Variants in COBLL1 observed in about 807,000 individuals in gnomAD.
The protein encoded by COBLL1 is cordon-bleu protein-like 1.
Under a neutral mutation model 94.8 loss-of-function variants are expected in COBLL1, and 50 were observed. The observed-to-expected ratio is 0.53, with a 90% CI of 0.42 to 0.67. The LOEUF (loss-of-function observed/expected upper bound fraction) is 0.67, where lower values mean the gene tolerates loss of function less well. Ranked by LOEUF, COBLL1 falls within the 30% of genes least tolerant of loss-of-function variation. The pLI is 0.00. For missense variants in COBLL1, 1,362 were observed against 1,348.7 expected (o/e 1.01, Z -0.15); for synonymous variants, 448 against 473.8 (o/e 0.95, Z 0.71).
rs996859833 is a variant in COBLL1, at chr2:164,841,710, G to A, written c.-51C>T. The A allele has an allele frequency of 2.1e-6, 1 of 480,584 alleles. No individual in the cohort carries two copies. Among genetic ancestry groups the A allele is most frequent in the South Asian group, 3.2e-5 (1 of 30,822 alleles). 29.8% of individuals were successfully genotyped at this position (480,584 alleles called of 1,614,324 possible). A position where few individuals can be genotyped will look rare whatever the true frequency, so the allele number is the denominator to read the frequency against. The stretch of plus-strand genomic sequence containing the variant: ...CTCTTTTCCCACCCAAGGCTCCTAC[G>A]TTCTTTTCCAAAGGAGACAGTAGCT... On this transcript the variant is annotated splice_region_variant and 5_prime_UTR_variant, in exon 1 of 14. Coordinates refer to ENST00000652658, the MANE Select transcript of COBLL1 (RefSeq NM_001365672.2). This position sits in a 1 kb window ranked among gnomAD's most constrained non-coding sequence, Gnocchi z 5.5.
At chr2:164,660,390 G>A (rs1691052118) in intron 2 of COBLL1, among the ~76,000 whole-genome samples, 1 of 152,128 alleles carries the variant, frequency 6.6e-6, no homozygotes, top group Non-Finnish European at 1.5e-5. Flanking sequence ...TATACTTGGG[G>A]ATTGGGAGAA....
chr2:164,738,341 T>C (rs1328576164), intron 3 of COBLL1: 1 of 152,188 alleles, frequency 6.6e-6, no homozygotes, highest in Non-Finnish European at 1.5e-5. Flanking sequence ...CAATGAGGAA[T>C]AATTACCTAT....
intron 2 of COBLL1, among the ~76,000 whole-genome samples, chr2:164,760,728 A>G (rs1687640738): frequency 6.6e-6 from 1 of 152,168 alleles, no homozygotes; most frequent in Non-Finnish European, 1.5e-5. Context: ...TCTTTCAAAG[A>G]AAACTAGTAA....
In COBLL1 at chr2:164,692,346, C is replaced by G. The variant is rs756967879; in HGVS notation, c.3175G>C (p.Asp1059His). The change falls in exon 13 of 14, where the codon GAT (aspartate) becomes CAT (histidine). Residue 1059 changes from aspartate (D) to histidine (H), a missense_variant. By Grantham distance (81) the Asp-to-His change is moderately conservative. Coordinates refer to ENST00000652658, the MANE Select transcript of COBLL1 (RefSeq NM_001365672.2). Reference protein sequence around the residue: ...EQNSQIPTPTDGPSFTVMRQS... With the variant: ...EQNSQIPTPTHGPSFTVMRQS... ...CTCATAACAGTGAATGATGGGCCAT[C>G]AGTTGGAGTTGGTATTTGGGAATTC... 4.3e-6 allele frequency: 7 copies of G among 1,613,134 alleles called. No homozygotes were observed. In the African/African-American group the frequency reaches 9.4e-5, roughly 22 times the overall value.
chr2:164,777,287 G>T (rs1188907900), intron 2 of COBLL1, among the ~76,000 whole-genome samples: 1 of 151,128 alleles, frequency 6.6e-6, no homozygotes, highest in Non-Finnish European at 1.5e-5. Context: ...CAATGTAAAA[G>T]AAATAATATG....
At chr2:164,833,702 G>A (rs1052916708) in intron 2 of COBLL1, among the ~76,000 whole-genome samples, 3 of 151,926 alleles carry the variant, frequency 2.0e-5, no homozygotes, top group African/African-American at 7.3e-5. Flanking sequence ...CAACCACCTC[G>A]GCCTCCCAAA....
chr2:164,841,942 C>A (rs1016166446), upstream of COBLL1: 2 of 1,531,168 alleles, frequency 1.3e-6, no homozygotes, highest in African/African-American at 2.8e-5. The surrounding 1 kb of genome is among the most constrained non-coding windows in gnomAD (Gnocchi z 5.5). Flanking sequence ...CGCTGGAGCC[C>A]GCTCTCTCAC....
At chr2:164,792,147 G>C (rs139521420) in intron 2 of COBLL1, among the ~76,000 whole-genome samples, 104 of 150,716 alleles carry the variant, frequency 6.9e-4, no homozygotes, top group African/African-American at 2.5e-3. Context: ...TTATCATTTT[G>C]AGACAGAGTC....
chr2:164,664,261 T>C (rs908990669), intron 2 of COBLL1, among the ~76,000 whole-genome samples: 1 of 152,216 alleles, frequency 6.6e-6, no homozygotes, highest in Non-Finnish European at 1.5e-5. Flanking sequence ...ATGTCATCTA[T>C]GAAAACAAGG....
intron 2 of COBLL1, among the ~76,000 whole-genome samples, chr2:164,748,970 C>T (rs1158301167): frequency 6.6e-6 from 1 of 151,878 alleles, no homozygotes; most frequent in Non-Finnish European, 1.5e-5. Flanking sequence ...ATTTTAACAC[C>T]GAATTCAATT....
intron 2 of COBLL1, among the ~76,000 whole-genome samples, chr2:164,761,960 A>G (rs1374078822): frequency 6.6e-6 from 1 of 152,188 alleles, no homozygotes. Flanking sequence ...CTGCCATCTC[A>G]TAAGAGAAGT....
chr2:164,692,378 T>G lies in COBLL1; in HGVS notation c.3143A>C (p.Asn1048Thr). The G allele has an allele frequency of 6.2e-7, 1 of 1,610,110 alleles. No individual in the cohort carries two copies. The highest frequency in any genetic ancestry group is 8.5e-7 in the Non-Finnish European group (1 of 1,178,536). The change falls in exon 13 of 14, where the codon AAT (asparagine) becomes ACT (threonine). Residue 1048 changes from asparagine to threonine, a missense_variant. Physicochemically the swap from Asn to Thr is moderately conservative, Grantham distance 65 (BLOSUM62 0). Coordinates refer to ENST00000652658, the MANE Select transcript of COBLL1 (RefSeq NM_001365672.2). ...VSDKENNSAH[N>T]EQNSQIPTPT... ...AGTTGGTATTTGGGAATTCTGTTCA[T>G]TATGTGCAGAGTTATTTTCCTACAA... is the stretch of plus-strand genomic sequence containing the variant.
chr2:164,756,091 G>GAA (rs3835926), intron 2 of COBLL1, among the ~76,000 whole-genome samples: 1 of 79,156 alleles, frequency 1.3e-5, no homozygotes, highest in Non-Finnish European at 2.5e-5. Context: ...GGGAGGGAGG[G>GAA]AGAGAGAGAG....
chr2:164,764,606 A>G (rs1002814651), intron 2 of COBLL1, among the ~76,000 whole-genome samples: 2 of 152,136 alleles, frequency 1.3e-5, no homozygotes, highest in African/African-American at 4.8e-5. Context: ...GACTGAGTCC[A>G]GGTGTGGGCC....
rs1574687845 is a variant in COBLL1, at chr2:164,841,315, G to A, written c.-50-69C>T. On this transcript the variant is annotated intron_variant, in intron 1 of 13. Transcript: ENST00000652658. This position sits in a 1 kb window ranked among gnomAD's most constrained non-coding sequence, Gnocchi z 5.5. ...TCCCGAGGCCGGAGCGAAGCTGGCT[G>A]AGCGTCAAGAGCCCGCCCGAGCCGC... 4 of 1,210,880 alleles carry A rather than the reference G, an allele frequency of 3.3e-6. No individual in the cohort carries two copies. The highest frequency in any genetic ancestry group is 4.1e-6 in the Non-Finnish European group (4 of 974,516). 75.0% of individuals were successfully genotyped at this position (1,210,880 alleles called of 1,614,324 possible).
In COBLL1 at chr2:164,668,292, C is replaced by T. The variant is rs1020669858; in HGVS notation, n.127-2391G>A. ...CTCGGCTTTTGACATGCCTTCCTCACTAAACTTGATCATTCCTAGCTTTTG... is the reference window on the plus strand; with the variant it reads ...CTCGGCTTTTGACATGCCTTCCTCATTAAACTTGATCATTCCTAGCTTTTG... On this transcript the variant is annotated intron_variant and non_coding_transcript_variant, in intron 1 of 2. Coordinates refer to the COBLL1 transcript ENST00000495084. 2.0e-5 allele frequency among the ~76,000 whole-genome samples: 3 copies of T among 152,154 alleles called. No homozygotes were observed. The South Asian group carries it at 6.2e-4, about 32-fold the overall frequency.
chr2:164,727,258 C>T, intron 5 of COBLL1: 2 of 487,052 alleles, frequency 4.1e-6, no homozygotes, highest in East Asian at 3.3e-5. Context: ...AAGCCACCAC[C>T]TCAGGATAAA....
intron 7 of COBLL1, among the ~76,000 whole-genome samples, chr2:164,713,914 T>C (rs915169608): frequency 3.3e-5 from 5 of 152,036 alleles, no homozygotes; most frequent in African/African-American, 1.2e-4. Context: ...TTTTAAAAAA[T>C]AGCAAAATAG....
intron 2 of COBLL1, among the ~76,000 whole-genome samples, chr2:164,769,928 C>T (rs1290815184): frequency 6.6e-6 from 1 of 152,098 alleles, no homozygotes; most frequent in Non-Finnish European, 1.5e-5. Context: ...TCAAATGTTA[C>T]CTTGTTCTCC....
Sources: gnomAD v4.1 joint callset for allele counts (sites outside exome capture counted in the v4.1 genomes callset) on GRCh38, gnomAD v4.1.1 for gene constraint, Gnocchi (gnomAD v3.1) non-coding constraint, MANE v1.5 for transcripts, NCBI Gene and HGNC (gene_info 2026-07-23, HGNC 2026-07-21) for gene names.